SDE2: variants seen among roughly 807,000 people sequenced by gnomAD.
The protein encoded by SDE2 is spliceosome associated SDE2.
Under a neutral mutation model 46.9 loss-of-function variants are expected in SDE2, and 31 were observed. That is an observed-to-expected ratio of 0.66 (90% CI 0.50 to 0.89). The LOEUF (loss-of-function observed/expected upper bound fraction) is 0.89, where lower values mean the gene tolerates loss of function less well. SDE2 is among the 40% of genes least tolerant of loss of function. The probability of loss-of-function intolerance (pLI) is 0.00; values close to 1 mark genes in which losing one functional copy is unlikely to be tolerated. For synonymous variants in SDE2, 205 were observed against 204.3 expected (o/e 1.00, Z -0.03); for missense variants, 542 against 564.4 (o/e 0.96, Z 0.40).
chr1:225,992,316 C>A, intron 4 of SDE2, 82 bp downstream of exon 4: 1 of 955,200 alleles, frequency 1.0e-6, no homozygotes, highest in Non-Finnish European at 1.6e-6. Context: ...TTAAGAACTG[C>A]TCTTTGTGCG....
At position 225,987,996 on chromosome 1, in the gene SDE2, G is replaced by C; in HGVS notation, c.1034C>G (p.Thr345Arg). The stretch of plus-strand genomic sequence containing the variant: ...TCTTTCCCCATCAGTCCTTTCTTCT[G>C]TCTCTTTATCCTTATTCAGTCCAGC... ...TGAGLNKDKE[T>R]EERTDGERVA... Residue 345 changes from threonine (T) to arginine (R), a missense_variant, in exon 6 of 7, where the codon ACA becomes AGA. Physicochemically the swap from Thr to Arg is moderately conservative, Grantham distance 71. This residue lies in a region of SDE2 where 401 missense variants were observed against 437.8 expected (regional missense o/e 0.92). Transcript: ENST00000272091. The C allele has an allele frequency of 1.2e-6, 2 of 1,614,114 alleles. No homozygotes were observed. Among genetic ancestry groups the C allele is most frequent in the Non-Finnish European group, 1.7e-6 (2 of 1,180,000 alleles).
chr1:225,989,058 G>A (rs1174469368), intron 5 of SDE2, among the ~76,000 whole-genome samples: 3 of 152,024 alleles, frequency 2.0e-5, no homozygotes, highest in Admixed American at 1.3e-4. Flanking sequence ...CAGCACATTG[G>A]GAGGCCGAGG....
In SDE2 at chr1:225,985,033, T is replaced by TTA. The variant is rs1196165713; in HGVS notation, c.*267_*268dup. 4.9e-6 allele frequency: 2 copies of TTA among 411,800 alleles called. No individual in the cohort carries two copies. Among genetic ancestry groups the TTA allele is most frequent in the African/African-American group, 4.1e-5 (2 of 49,218 alleles). 25.5% of individuals were successfully genotyped at this position (411,800 alleles called of 1,614,324 possible). On this transcript the variant is annotated 3_prime_UTR_variant, in exon 7 of 7. Transcript: ENST00000272091. ...AGGATAGATTTCTTGGATAGATTCA[T>TTA]TACCTAAATGACACCAAGATCAAAC...
intron 2 of SDE2, 117 bp from the exon 3 acceptor site, chr1:225,993,119 T>TA: frequency 1.9e-6 from 1 of 519,786 alleles, no homozygotes; most frequent in Non-Finnish European, 3.4e-6. Flanking sequence ...TTCTTTCTTT[T>TA]TTTTTTTTTT....
chr1:225,989,919 A>T (rs532457486), intron 5 of SDE2, among the ~76,000 whole-genome samples: 21 of 151,818 alleles, frequency 1.4e-4, no homozygotes, highest in East Asian at 5.8e-4. Context: ...ACAAAAAAAT[A>T]AAAAAAATCA....
At chr1:225,997,853 GGGA>G (rs1249870051) in intron 1 of SDE2, among the ~76,000 whole-genome samples, 1 of 152,164 alleles carries the variant, frequency 6.6e-6, no homozygotes, top group African/African-American at 2.4e-5. Context: ...CTCATAGGCC[GGGA>G]GGAGTGGCTC....
At chr1:225,993,429 G>C (rs1397098638) in intron 2 of SDE2, among the ~76,000 whole-genome samples, 2 of 152,124 alleles carry the variant, frequency 1.3e-5, no homozygotes, top group Non-Finnish European at 2.9e-5. Flanking sequence ...GGCTAACACA[G>C]TGAAACCCCG....
chr1:225,998,118 A>G (rs1656572875), intron 1 of SDE2, among the ~76,000 whole-genome samples: 1 of 152,090 alleles, frequency 6.6e-6, no homozygotes, highest in African/African-American at 2.4e-5. Context: ...ACGGGAGTCA[A>G]ACTCCGTCGG....
intron 6 of SDE2, 33 bp from the exon 7 acceptor site, chr1:225,985,556 A>G: frequency 7.4e-7 from 1 of 1,358,198 alleles, no homozygotes; most frequent in East Asian, 2.3e-5. Context: ...TATTTAAAAC[A>G]GGCTCCTTCC....
intron 4 of SDE2, 39 bp downstream of exon 4, chr1:225,992,359 G>A (rs1222307576): frequency 1.1e-5 from 17 of 1,532,368 alleles, no homozygotes; most frequent in Non-Finnish European, 1.5e-5. Flanking sequence ...CTGGCTTCAG[G>A]GGTGCCAGCT....
intron 6 of SDE2, among the ~76,000 whole-genome samples, chr1:225,986,548 T>G (rs1441270377): frequency 6.6e-6 from 1 of 152,190 alleles, no homozygotes; most frequent in Non-Finnish European, 1.5e-5. Flanking sequence ...CTTGGCTTAT[T>G]TATGACCAAA....
intron 1 of SDE2, among the ~76,000 whole-genome samples, chr1:225,996,619 C>T (rs908036390): frequency 6.6e-6 from 1 of 152,286 alleles, no homozygotes; most frequent in Admixed American, 6.5e-5. Flanking sequence ...TGTTTTAGCA[C>T]AACCAGCCTA....
intron 1 of SDE2, among the ~76,000 whole-genome samples, chr1:225,996,649 T>C (rs2102706626): frequency 6.6e-6 from 1 of 152,314 alleles, no homozygotes; most frequent in African/African-American, 2.4e-5. Context: ...GAGATAAACC[T>C]GTCAAACTTA....
At position 225,992,876 on chromosome 1, in the gene SDE2, A is replaced by T; in HGVS notation, c.350+15T>A. The T allele has an allele frequency of 6.8e-7, 1 of 1,463,166 alleles. No homozygotes were observed. The highest frequency in any genetic ancestry group is 9.6e-7 in the Non-Finnish European group (1 of 1,042,996). The allele number at this position is 1,463,166 out of a possible 1,614,324, so 90.6% of individuals were successfully genotyped here. On this transcript the variant is annotated intron_variant, in intron 3 of 6. Transcript: ENST00000272091. ...TGTCTCTCCTCAAAAACACAAAAAA[A>T]GGTGGGCATCTTACGCTTTTTCATG...
intron 5 of SDE2, among the ~76,000 whole-genome samples, chr1:225,988,954 G>GCTTT (rs1656330734): frequency 1.3e-5 from 2 of 152,246 alleles, no homozygotes. Context: ...TTTGCTTAAA[G>GCTTT]CTTTCTTCCC....
At chr1:225,997,358 CTTTT>C (rs570471606) in intron 1 of SDE2, among the ~76,000 whole-genome samples, 492 of 152,236 alleles carry the variant, frequency 3.2e-3, no homozygotes, top group Non-Finnish European at 5.5e-3. Context: ...AACTAATATT[CTTTT>C]GTGTTTCTAT....
chr1:225,995,683 T>C (rs1656506762), intron 1 of SDE2, among the ~76,000 whole-genome samples: 1 of 152,184 alleles, frequency 6.6e-6, no homozygotes, highest in Non-Finnish European at 1.5e-5. Flanking sequence ...TAGAAGACTA[T>C]GCAGGACTCA....
chr1:225,999,343 T>G lies in SDE2; in HGVS notation c.-31A>C, dbSNP rs769073833. ...CGACTACCCGAACCTCAAGCCTCTC[T>G]GAGACACCAGGCGCCGCAACTCGCC... On this transcript the variant is annotated 5_prime_UTR_variant, in exon 1 of 7. Coordinates refer to ENST00000272091, the MANE Select transcript of SDE2 (RefSeq NM_152608.4). 6 of 1,594,764 alleles carry G rather than the reference T, an allele frequency of 3.8e-6. No individual in the cohort carries two copies. Among genetic ancestry groups the G allele is most frequent in the African/African-American group, 2.7e-5 (2 of 74,300 alleles).
In SDE2 at chr1:225,985,516, T is replaced by C. The variant is rs76285584; in HGVS notation, c.1142A>G (p.Asp381Gly). 2.0e-3 allele frequency: 3,259 copies of C among 1,604,750 alleles called. 101 individuals are homozygous for C. In the East Asian group the frequency reaches 0.06, roughly 29 times the overall value. Residue 381 changes from aspartate to glycine, a missense_variant, in exon 7 of 7, where the codon GAT becomes GGT. By Grantham distance (94) the Asp-to-Gly change is moderately conservative. Transcript: ENST00000272091. ...QESQPGNAVIDKETIDLLAFT... is the reference protein window; with the variant it reads ...QESQPGNAVIGKETIDLLAFT... Reference sequence around the variant, plus strand: ...CGCCAATAAATCTATAGTTTCCTTATCAATAACCTGAGGGAAAAAAATAAG... The same window carrying C: ...CGCCAATAAATCTATAGTTTCCTTACCAATAACCTGAGGGAAAAAAATAAG...
Sources: allele counts gnomAD v4.1 joint callset (sites outside exome capture counted in the v4.1 genomes callset), GRCh38; gene constraint gnomAD v4.1.1; regional missense constraint gnomAD v4.1.1; transcripts MANE v1.5; gene names NCBI Gene and HGNC (gene_info 2026-07-23, HGNC 2026-07-21).